The following ANKS1B variants were observed in gnomAD, a reference collection of about 807,000 sequenced individuals.
ANKS1B encodes the protein ankyrin repeat and sterile alpha motif domain containing 1B.
Under a neutral mutation model 148.3 loss-of-function variants are expected in ANKS1B, and 36 were observed. The ratio of observed to expected loss-of-function variants is 0.24; its 90% CI spans 0.19 to 0.32. The LOEUF (loss-of-function observed/expected upper bound fraction) is 0.32, where lower values mean the gene tolerates loss of function less well. ANKS1B is among the 10% of genes least tolerant of loss of function. ANKS1B has a pLI of 1.00. For missense variants in ANKS1B, 1,157 were observed against 1,542.6 expected, an observed-to-expected ratio of 0.75 and a Z score of 4.19; for synonymous variants, 542 against 560.8, an observed-to-expected ratio of 0.97 and a Z score of 0.47.
At chr12:99,725,481 C>G (rs926876688) in intron 8 of ANKS1B, among the ~76,000 whole-genome samples, 3 of 152,100 alleles carry the variant, frequency 2.0e-5, no homozygotes, top group Admixed American at 6.5e-5. Flanking sequence ...GCACCCAATA[C>G]AGGAGCACCC....
At chr12:99,721,127 C>G (rs938754191) in intron 8 of ANKS1B, among the ~76,000 whole-genome samples, 3 of 152,062 alleles carry the variant, frequency 2.0e-5, no homozygotes, top group Admixed American at 6.5e-5. Flanking sequence ...TCTAACAACC[C>G]CACAATATCA....
intron 8 of ANKS1B, among the ~76,000 whole-genome samples, chr12:99,751,902 G>A (rs888362572): frequency 4.6e-5 from 7 of 152,048 alleles, no homozygotes; most frequent in African/African-American, 1.2e-4. Flanking sequence ...TTTGATGGAG[G>A]AGGAAAAGTA....
chr12:99,122,258 TA>T (rs2063086649), intron 15 of ANKS1B, among the ~76,000 whole-genome samples: 1 of 152,164 alleles, frequency 6.6e-6, no homozygotes, highest in Admixed American at 6.5e-5. Context: ...TTAAGGTCAC[TA>T]AAAATATTAA....
intron 8 of ANKS1B, among the ~76,000 whole-genome samples, chr12:99,669,977 C>T (rs2098528807): frequency 6.6e-6 from 1 of 152,048 alleles, no homozygotes; most frequent in Admixed American, 6.6e-5. Flanking sequence ...TGTCTTTTAT[C>T]CAGGTCTGAT....
chr12:99,634,353 T>C lies in ANKS1B; in HGVS notation c.1272+20714A>G, dbSNP rs2098209044. On this transcript the variant is annotated intron_variant, in intron 9 of 26. Transcript: ENST00000683438. ...TCACCATGTGAGGCCCTGCACCACC[T>C]TGGGTCTCTACAGAGTTCTCAGAAG... is the stretch of plus-strand genomic sequence containing the variant. Among the ~76,000 whole-genome samples, 4 of 152,052 alleles carry C rather than the reference T, an allele frequency of 2.6e-5. No individual in the cohort carries two copies. In the South Asian group the frequency reaches 6.2e-4, roughly 24 times the overall value.
intron 14 of ANKS1B, among the ~76,000 whole-genome samples, chr12:99,179,064 A>G (rs1227087109): frequency 6.6e-6 from 1 of 152,204 alleles, no homozygotes; most frequent in African/African-American, 2.4e-5. Flanking sequence ...AAACTATAGT[A>G]ATTATCTAGA....
intron 8 of ANKS1B, among the ~76,000 whole-genome samples, chr12:99,689,292 G>A (rs1747392761): frequency 6.6e-6 from 1 of 152,284 alleles, no homozygotes; most frequent in East Asian, 1.9e-4. Flanking sequence ...TCTCTTTTAA[G>A]ATGAAACCAG....
At chr12:99,577,857 C>G (rs1211355345) in intron 9 of ANKS1B, among the ~76,000 whole-genome samples, 1 of 152,102 alleles carries the variant, frequency 6.6e-6, no homozygotes, top group Non-Finnish European at 1.5e-5. Context: ...GGAGGAGGGA[C>G]TCCTTCCTAT....
At chr12:99,534,998 C>T (rs963902542) in intron 9 of ANKS1B, among the ~76,000 whole-genome samples, 9 of 152,022 alleles carry the variant, frequency 5.9e-5, no homozygotes, top group Non-Finnish European at 7.4e-5. Flanking sequence ...CATGAGCCAC[C>T]GCGCCCGGCC....
chr12:98,982,652 ATT>A (rs1158451378), intron 17 of ANKS1B, among the ~76,000 whole-genome samples: 1 of 152,216 alleles, frequency 6.6e-6, no homozygotes, highest in African/African-American at 2.4e-5. Flanking sequence ...AAATGGAATC[ATT>A]TGCATATATC....
At chr12:99,723,092 T>C (rs1328877392) in intron 8 of ANKS1B, among the ~76,000 whole-genome samples, 1 of 151,988 alleles carries the variant, frequency 6.6e-6, no homozygotes, top group Admixed American at 6.6e-5. Flanking sequence ...CTGCAGATTC[T>C]CAAAAGCCTC....
chr12:98,947,842 G>T (rs1199521058), intron 17 of ANKS1B, among the ~76,000 whole-genome samples: 2 of 152,114 alleles, frequency 1.3e-5, no homozygotes, highest in African/African-American at 4.8e-5. Context: ...TCCCTCCTTT[G>T]TTGATGGACT....
At chr12:98,851,905 T>C (rs763257756) in intron 17 of ANKS1B, among the ~76,000 whole-genome samples, 29 of 151,346 alleles carry the variant, frequency 1.9e-4, no homozygotes, top group Non-Finnish European at 3.1e-4. Context: ...ACGCCTGTAG[T>C]CCCACCTACC....
chr12:98,743,219 CAA>C (rs1347988359), downstream of ANKS1B, among the ~76,000 whole-genome samples: 3 of 152,296 alleles, frequency 2.0e-5, no homozygotes, highest in Non-Finnish European at 2.9e-5. Flanking sequence ...CTTATCCAAA[CAA>C]ACATTGAACC....
chr12:98,846,994 T>C (rs1010855874), intron 17 of ANKS1B, among the ~76,000 whole-genome samples: 2 of 152,204 alleles, frequency 1.3e-5, no homozygotes, highest in African/African-American at 4.8e-5. Flanking sequence ...TACAACTTGA[T>C]CAATTTAGGG....
At chr12:99,195,747 T>C (rs1333198881) in intron 14 of ANKS1B, among the ~76,000 whole-genome samples, 1 of 152,088 alleles carries the variant, frequency 6.6e-6, no homozygotes, top group Non-Finnish European at 1.5e-5. Flanking sequence ...CTTTGCTCCT[T>C]CAGTGAAGAG....
chr12:99,632,197 A>G (rs1394473258), intron 9 of ANKS1B, among the ~76,000 whole-genome samples: 7 of 152,162 alleles, frequency 4.6e-5, no homozygotes. Context: ...TGATGGTACA[A>G]GTCATAAACT....
chr12:98,858,586 C>A (rs1195966552), intron 17 of ANKS1B, among the ~76,000 whole-genome samples: 1 of 152,150 alleles, frequency 6.6e-6, no homozygotes, highest in East Asian at 1.9e-4. Flanking sequence ...GTGATCCGCT[C>A]GCCTCAGCTT....
chr12:99,479,467 C>T (rs1430242043), intron 10 of ANKS1B, among the ~76,000 whole-genome samples: 1 of 151,872 alleles, frequency 6.6e-6, no homozygotes, highest in Non-Finnish European at 1.5e-5. Flanking sequence ...AATACATTTC[C>T]ATAATGCTAT....
Sources: gnomAD v4.1 joint callset for allele counts (sites outside exome capture counted in the v4.1 genomes callset) on GRCh38, gnomAD v4.1.1 for gene constraint, MANE v1.5 for transcripts, NCBI Gene and HGNC (gene_info 2026-07-23, HGNC 2026-07-21) for gene names.